ESYT2: variants seen among roughly 807,000 people sequenced by gnomAD.
ESYT2 encodes the protein extended synaptotagmin 2.
ESYT2 carries 54 observed loss-of-function variants against 107.2 expected under a neutral mutation model. The observed-to-expected ratio is 0.50, with a 90% CI of 0.40 to 0.63. ESYT2 has a LOEUF of 0.63. Ranked by LOEUF, ESYT2 falls within the 30% of genes least tolerant of loss-of-function variation. The pLI is 0.00. For synonymous variants in ESYT2, 491 were observed against 434.1 expected (o/e 1.13, Z -1.63); for missense variants, 1,020 against 1,094.5 (o/e 0.93, Z 0.96).
intron 20 of ESYT2, 84 bp downstream of exon 20, chr7:158,736,964 G>A (rs1432572270): frequency 2.6e-6 from 4 of 1,550,006 alleles, no homozygotes; most frequent in Non-Finnish European, 3.5e-6. Flanking sequence ...TATGTGCTTT[G>A]GCCACTCAAA....
intron 1 of ESYT2, among the ~76,000 whole-genome samples, chr7:158,802,190 G>C (rs1839665904): frequency 6.6e-6 from 1 of 152,156 alleles, no homozygotes; most frequent in African/African-American, 2.4e-5. Flanking sequence ...TAAAAGGAAT[G>C]TCTTTCTTCA....
intron 1 of ESYT2, among the ~76,000 whole-genome samples, chr7:158,822,174 G>C (rs1840303666): frequency 6.6e-6 from 1 of 152,120 alleles, no homozygotes; most frequent in African/African-American, 2.4e-5. Flanking sequence ...ATAATGACTT[G>C]CCAAACCATA....
chr7:158,791,954 T>C (rs1839306201), intron 4 of ESYT2, among the ~76,000 whole-genome samples: 1 of 116,188 alleles, frequency 8.6e-6, no homozygotes, highest in Non-Finnish European at 1.8e-5. Context: ...TGTATCTTCT[T>C]TGATTTCTTT....
At chr7:158,781,095 C>T (rs576634241) in intron 6 of ESYT2, among the ~76,000 whole-genome samples, 12 of 152,126 alleles carry the variant, frequency 7.9e-5, no homozygotes, top group Non-Finnish European at 1.6e-4. Context: ...AAATGTGAGA[C>T]ACAACATGTC....
At chr7:158,741,966 G>A in intron 17 of ESYT2, 70 bp from the exon 18 acceptor site, 1 of 1,458,720 alleles carries the variant, frequency 6.9e-7, no homozygotes, top group Non-Finnish European at 9.1e-7. Flanking sequence ...GGAACAGCCT[G>A]GGATGTCTTT....
In ESYT2 at chr7:158,797,963, C is replaced by T. The variant is rs1215565658; in HGVS notation, c.486G>A (p.Thr162=). The change falls in exon 3 of 23, where the codon ACG becomes ACA. Residue 162 remains threonine (T), a synonymous_variant. Transcript: ENST00000275418. Reference sequence around the variant, plus strand: ...TGACCTGCTGGCCCACGTCGACCTTCGTGAAACTAAAGGTGCTAAGGTGGG... The same window carrying T: ...TGACCTGCTGGCCCACGTCGACCTTTGTGAAACTAAAGGTGCTAAGGTGGG... The part of the protein sequence containing the change: ...ANTHLSTFSF[T]KVDVGQQPLR... 5.0e-6 allele frequency: 8 copies of T among 1,613,862 alleles called. No homozygotes were observed. The highest frequency in any genetic ancestry group is 3.3e-5 in the Admixed American group (2 of 59,996).
chr7:158,782,418 G>T (rs1228765070), intron 6 of ESYT2, among the ~76,000 whole-genome samples: 1 of 150,276 alleles, frequency 6.7e-6, no homozygotes, highest in Non-Finnish European at 1.5e-5. Flanking sequence ...GAACGAGTGT[G>T]AGAACAAAGT....
chr7:158,809,306 T>G (rs1839924707), intron 1 of ESYT2, among the ~76,000 whole-genome samples: 1 of 151,586 alleles, frequency 6.6e-6, no homozygotes, highest in Non-Finnish European at 1.5e-5. Flanking sequence ...TGAAACCCCA[T>G]CTCTACTAAA....
Position 158,771,393 on chromosome 7 carries a change from G to C in ESYT2, c.803+1948C>G, listed in dbSNP as rs142300095. 6.4e-4 allele frequency among the ~76,000 whole-genome samples: 97 copies of C among 152,320 alleles called. 1 individual carries two copies. The highest frequency in any genetic ancestry group is 2.2e-3 in the African/African-American group (92 of 41,568). ...TTTCTAGAGAAAGTTTTTGCTTTGG[G>C]GGATGCCCCCATTCACTGGAATTTC... On this transcript the variant is annotated intron_variant, in intron 7 of 22. Transcript: ENST00000275418.
chr7:158,813,320 A>T (rs904250831), intron 1 of ESYT2, among the ~76,000 whole-genome samples: 2 of 152,208 alleles, frequency 1.3e-5, no homozygotes, highest in African/African-American at 4.8e-5. Flanking sequence ...ACTTCGTATG[A>T]CATTGTAATA....
At chr7:158,739,823 C>T (rs1018254105) in intron 18 of ESYT2, among the ~76,000 whole-genome samples, 2 of 152,124 alleles carry the variant, frequency 1.3e-5, no homozygotes, top group African/African-American at 2.4e-5. Flanking sequence ...ATGCAACAAC[C>T]GACTGGCATT....
chr7:158,751,538 T>C (rs1476637587), intron 14 of ESYT2, among the ~76,000 whole-genome samples: 1 of 152,240 alleles, frequency 6.6e-6, no homozygotes, highest in Admixed American at 6.5e-5. Context: ...TGCATCTATC[T>C]GAACCTCAGT....
chr7:158,761,421 G>C, intron 11 of ESYT2, 75 bp downstream of exon 11: 1 of 1,329,762 alleles, frequency 7.5e-7, no homozygotes, highest in Non-Finnish European at 1.1e-6. Context: ...TGAAGGGGTG[G>C]TTCGTGGCTC....
chr7:158,807,961 C>A (rs563168588), intron 1 of ESYT2, among the ~76,000 whole-genome samples: 2 of 152,182 alleles, frequency 1.3e-5, no homozygotes, highest in African/African-American at 4.8e-5. Context: ...GATGGCGCCA[C>A]GGGGTAGGGC....
At chr7:158,814,069 A>C (rs1840066484) in intron 1 of ESYT2, among the ~76,000 whole-genome samples, 2 of 151,876 alleles carry the variant, frequency 1.3e-5, no homozygotes, top group Admixed American at 1.3e-4. Flanking sequence ...GTCAGGAGAC[A>C]GAGATCATCC....
intron 4 of ESYT2, among the ~76,000 whole-genome samples, chr7:158,790,339 A>G (rs1266609691): frequency 6.6e-6 from 1 of 152,220 alleles, no homozygotes; most frequent in Non-Finnish European, 1.5e-5. Context: ...CTGAGTTGCT[A>G]GACACTACAT....
intron 9 of ESYT2, among the ~76,000 whole-genome samples, chr7:158,763,479 G>A (rs1838048357): frequency 6.6e-6 from 1 of 152,088 alleles, no homozygotes. Context: ...ATTTTTAGTA[G>A]AGATGGGGTT....
intron 7 of ESYT2, among the ~76,000 whole-genome samples, chr7:158,769,076 C>T (rs1158562243): frequency 1.4e-5 from 2 of 147,948 alleles, no homozygotes; most frequent in Non-Finnish European, 3.0e-5. Flanking sequence ...TACATAATTA[C>T]AAATAAATTC....
intron 16 of ESYT2, among the ~76,000 whole-genome samples, chr7:158,745,697 A>G (rs1837379274): frequency 6.6e-6 from 1 of 152,184 alleles, no homozygotes; most frequent in Admixed American, 6.5e-5. Context: ...AAGATTAAAA[A>G]AAAATCCCCA....
Sources: allele counts gnomAD v4.1 joint callset (sites outside exome capture counted in the v4.1 genomes callset), GRCh38; gene constraint gnomAD v4.1.1; transcripts MANE v1.5; gene names NCBI Gene and HGNC (gene_info 2026-07-23, HGNC 2026-07-21).